The following NUP107 variants were observed in gnomAD, a reference collection of about 807,000 sequenced individuals.
NUP107 encodes the protein nuclear pore complex protein Nup107.
NUP107 carries 101 observed loss-of-function variants against 141.0 expected under a neutral mutation model. That is an observed-to-expected ratio of 0.72 (90% confidence interval 0.61 to 0.84). NUP107 has a LOEUF of 0.84. Among genes scored for constraint, NUP107 ranks in the 40% least tolerant of loss-of-function variants. The probability of loss-of-function intolerance (pLI) is 0.00; values close to 1 mark genes in which losing one functional copy is unlikely to be tolerated. For synonymous variants in NUP107, 319 were observed against 363.9 expected (o/e 0.88, Z 1.41); for missense variants, 941 against 1,102.7 (o/e 0.85, Z 2.08).
rs189737703 is a variant in NUP107 at position 68,701,096 on chromosome 12, G to T, written c.680+243G>T. ...ACTTAAGGAAAGTACTAAAAATAGT[G>T]CAATACTTAGGCTAAATTAAGAAAA... On this transcript the variant is annotated intron_variant, in intron 7 of 27. Coordinates refer to ENST00000229179, the MANE Select transcript of NUP107 (RefSeq NM_020401.4). Among the ~76,000 whole-genome samples, 543 of 152,216 alleles carry T rather than the reference G, an allele frequency of 3.6e-3. 6 individuals are homozygous for T. Among genetic ancestry groups the T allele is most frequent in the Non-Finnish European group, 3.8e-3 (256 of 68,010 alleles).
Position 68,721,168 on chromosome 12 carries a change from T to C in NUP107, c.1302T>C (p.Asn434=). ...CAATTTATGCAGCTTTAAGTGGGAA[T>C]CTTAAGCAGGTATGCAATCTGTTTT... The part of the protein sequence containing the change: ...ERAIYAALSG[N]LKQLLPVCDT... Residue 434 remains asparagine (N), a synonymous_variant, in exon 15 of 28, where the codon AAT becomes AAC. Coordinates refer to ENST00000229179, the MANE Select transcript of NUP107 (RefSeq NM_020401.4). 1 of 1,606,414 alleles carries C rather than the reference T, an allele frequency of 6.2e-7. No homozygotes were observed. The highest frequency in any genetic ancestry group is 8.5e-7 in the Non-Finnish European group (1 of 1,174,300).
rs1565702789 is a variant in NUP107, at chr12:68,732,749, A to G, written c.2101+10A>G. ...ATGAGAAAATTCTTGGGTATAGTAT[A>G]TTTTTATGCAGCTTCAAACTCCTGG... is the stretch of plus-strand genomic sequence containing the variant. On this transcript the variant is annotated intron_variant, in intron 23 of 27. Coordinates refer to ENST00000229179, the MANE Select transcript of NUP107 (RefSeq NM_020401.4). The G allele has an allele frequency of 6.5e-6, 10 of 1,548,986 alleles. No individual in the cohort carries two copies. The highest frequency in any genetic ancestry group is 2.3e-5 in the East Asian group (1 of 44,166).
At chr12:68,734,557 T>G in intron 24 of NUP107, 151 bp from the exon 25 acceptor site, 1 of 623,026 alleles carries the variant, frequency 1.6e-6, no homozygotes, top group Non-Finnish European at 2.7e-6. Flanking sequence ...ATGATATGAA[T>G]TTTTGGAGGG....
At chr12:68,693,784 C>G (rs1235294420) in intron 5 of NUP107, among the ~76,000 whole-genome samples, 3 of 152,168 alleles carry the variant, frequency 2.0e-5, no homozygotes, top group African/African-American at 7.2e-5. Context: ...CAGCCTGTTA[C>G]GTTATTAGAC....
intron 5 of NUP107, among the ~76,000 whole-genome samples, chr12:68,695,799 T>A (rs1876023507): frequency 6.6e-6 from 1 of 152,118 alleles, no homozygotes; most frequent in Non-Finnish European, 1.5e-5. Context: ...TCCTACCACT[T>A]TGGGATGCTG....
Position 68,713,810 on chromosome 12 carries a change from T to C in NUP107, c.969+2T>C, listed in dbSNP as rs756106922. On this transcript the variant is annotated splice_donor_variant, in intron 11 of 27. Transcript: ENST00000229179. LOFTEE classifies it high-confidence loss of function. ...GTTCGTCCGCTTGTCACTGAATTGG[T>C]AAATGTTCTTTGAAATGAAAGTTGC... 1 of 1,598,858 alleles carries C rather than the reference T, an allele frequency of 6.3e-7. No individual in the cohort carries two copies. Among genetic ancestry groups the C allele is most frequent in the Non-Finnish European group, 8.5e-7 (1 of 1,175,218 alleles).
rs1282650703 is a variant in NUP107, at chr12:68,715,648, C to G, written c.991C>G (p.Gln331Glu). The G allele has an allele frequency of 2.2e-5, 35 of 1,611,100 alleles. No homozygotes were observed. The highest frequency in any genetic ancestry group is 2.7e-5 in the African/African-American group (2 of 74,834). Residue 331 changes from glutamine to glutamate, a missense_variant, in exon 12 of 28, where the codon CAG becomes GAG. Transcript: ENST00000229179. ...ACAGGACCCTGATGCTCCCATAAGACAGAAAATGCCCCTTGATGATCTGGA... is the reference window on the plus strand; with the variant it reads ...ACAGGACCCTGATGCTCCCATAAGAGAGAAAATGCCCCTTGATGATCTGGA... The part of the protein sequence containing the change: ...TELDPDAPIR[Q>E]KMPLDDLDRE...
chr12:68,741,708 C>G lies in NUP107; in HGVS notation c.2503-105C>G, dbSNP rs1878326429. The G allele has an allele frequency of 3.1e-6, 3 of 977,796 alleles. No individual in the cohort carries two copies. In the East Asian group the frequency reaches 7.4e-5, roughly 24 times the overall value. 60.6% of individuals were successfully genotyped at this position (977,796 alleles called of 1,614,324 possible). On this transcript the variant is annotated intron_variant, in intron 26 of 27. Transcript: ENST00000229179. ...TCTTCATACTTTTTTGCTGTTAAATCTTGTCTACCAATTACATTCTGGGTT... is the reference window on the plus strand; with the variant it reads ...TCTTCATACTTTTTTGCTGTTAAATGTTGTCTACCAATTACATTCTGGGTT...
chr12:68,725,972 G>C (rs1436030509), intron 18 of NUP107, among the ~76,000 whole-genome samples, 176 bp downstream of exon 18: 1 of 151,838 alleles, frequency 6.6e-6, no homozygotes, highest in Non-Finnish European at 1.5e-5. Context: ...GAGTAGCTGG[G>C]ATTACAGGTG....
chr12:68,718,323 A>G (rs1877198431), intron 12 of NUP107, among the ~76,000 whole-genome samples: 1 of 152,204 alleles, frequency 6.6e-6, no homozygotes, highest in Admixed American at 6.6e-5. Context: ...AGGCCTATCC[A>G]AAACACAGGA....
chr12:68,731,392 A>AT, intron 21 of NUP107, 132 bp downstream of exon 21: 1 of 981,986 alleles, frequency 1.0e-6, no homozygotes, highest in African/African-American at 1.7e-5. Flanking sequence ...TTTTCAGGGA[A>AT]TTTCTGTTTT....
chr12:68,712,724 G>A lies in NUP107; in HGVS notation c.891-1006G>A, dbSNP rs549685155. Among the ~76,000 whole-genome samples the A allele has an allele frequency of 1.9e-4, 28 of 150,326 alleles. No homozygotes were observed. The South Asian group carries it at 5.2e-3, about 28-fold the overall frequency. On this transcript the variant is annotated intron_variant, in intron 10 of 27. Coordinates refer to ENST00000229179, the MANE Select transcript of NUP107 (RefSeq NM_020401.4). Reference sequence around the variant, plus strand: ...AATCTCCTTTTTTTTGCTGATCAGCGGAACAGAACAGAGAACCCCACAATA... The same window carrying A: ...AATCTCCTTTTTTTTGCTGATCAGCAGAACAGAACAGAGAACCCCACAATA...
chr12:68,733,360 A>C, intron 23 of NUP107, 92 bp from the exon 24 acceptor site: 1 of 1,187,138 alleles, frequency 8.4e-7, no homozygotes, highest in East Asian at 2.4e-5. Context: ...GTTACAGGTC[A>C]CTGTAAAATT....
At chr12:68,709,800 A>G (rs532307154) in intron 9 of NUP107, among the ~76,000 whole-genome samples, 528 of 152,108 alleles carry the variant, frequency 3.5e-3, no homozygotes, top group Non-Finnish European at 5.2e-3. Context: ...GAGGCAGGAG[A>G]ATGACGTGAA....
chr12:68,707,550 A>G (rs1876649917), intron 8 of NUP107, among the ~76,000 whole-genome samples: 1 of 152,134 alleles, frequency 6.6e-6, no homozygotes, highest in South Asian at 2.1e-4. Flanking sequence ...AGTGAGCTGT[A>G]ATTGTGCTAC....
intron 11 of NUP107, 42 bp from the exon 12 acceptor site, chr12:68,715,584 CA>C: frequency 9.5e-7 from 1 of 1,054,754 alleles, no homozygotes. Flanking sequence ...TATGTAAGTA[CA>C]AAGGATTTAT....
chr12:68,713,881 C>T (rs780308687), intron 11 of NUP107, 73 bp downstream of exon 11: 15 of 1,185,612 alleles, frequency 1.3e-5, no homozygotes, highest in African/African-American at 3.1e-5. Flanking sequence ...AATTTTTTCT[C>T]GTGGATCTTT....
intron 8 of NUP107, chr12:68,706,959 G>T (rs1876612700): frequency 1.5e-6 from 1 of 657,086 alleles, no homozygotes; most frequent in Non-Finnish European, 2.7e-6. Flanking sequence ...TTTGGCTCTG[G>T]TGCGGGCTCC....
intron 6 of NUP107, among the ~76,000 whole-genome samples, chr12:68,697,367 T>TG (rs1376338065): frequency 6.6e-6 from 1 of 150,852 alleles, no homozygotes; most frequent in Non-Finnish European, 1.5e-5. Context: ...GAGGCTACAG[T>TG]GAGCCATGGT....
Sources: gnomAD v4.1 joint callset for allele counts (sites outside exome capture counted in the v4.1 genomes callset) on GRCh38, gnomAD v4.1.1 for gene constraint, MANE v1.5 for transcripts, NCBI Gene and HGNC (gene_info 2026-07-23, HGNC 2026-07-21) for gene names.